The following BMP6 variants were observed in gnomAD, a reference collection of about 807,000 sequenced individuals.
BMP6 encodes the protein bone morphogenetic protein 6.
A neutral mutation model predicts 54.1 loss-of-function variants in BMP6; 17 were observed. The observed-to-expected ratio is 0.31, with a 90% CI of 0.22 to 0.47. BMP6 has a LOEUF of 0.47. Ranked by LOEUF, BMP6 falls within the 20% of genes least tolerant of loss-of-function variation. BMP6 has a pLI of 1.00. For synonymous variants in BMP6, 328 were observed against 291.2 expected, an observed-to-expected ratio of 1.13 and a Z score of -1.28; for missense variants, 720 against 690.4, an observed-to-expected ratio of 1.04 and a Z score of -0.48.
At chr6:7,748,404 C>T (rs148876462) in intron 1 of BMP6, among the ~76,000 whole-genome samples, 2 of 152,156 alleles carry the variant, frequency 1.3e-5, no homozygotes, top group African/African-American at 4.8e-5. Flanking sequence ...TTTCAGACAT[C>T]ATTCTCTTAT....
At chr6:7,840,035 A>T (rs576590162) in intron 1 of BMP6, among the ~76,000 whole-genome samples, 2 of 152,322 alleles carry the variant, frequency 1.3e-5, no homozygotes, top group South Asian at 4.1e-4. Flanking sequence ...GTTACTGGTC[A>T]CCATTGCCTG....
chr6:7,861,633 CA>C, intron 3 of BMP6, 34 bp downstream of exon 3: 1 of 1,611,500 alleles, frequency 6.2e-7, no homozygotes, highest in Admixed American at 1.7e-5. Flanking sequence ...CAACGTCCAG[CA>C]AGTCATCAGT....
At chr6:7,867,833 T>C (rs1033598616) in intron 4 of BMP6, among the ~76,000 whole-genome samples, 2 of 152,244 alleles carry the variant, frequency 1.3e-5, no homozygotes, top group Non-Finnish European at 2.9e-5. Flanking sequence ...TGCACAACTC[T>C]TGTTCGAGGA....
chr6:7,880,475 ACC>A lies in BMP6; in HGVS notation c.*134_*135del, dbSNP rs1759699395. ...AACTATCTCATGCCAGTGCCTTATT[ACC>A]CAGGAAGATTTTAAAGGACCTCATT... On this transcript the variant is annotated 3_prime_UTR_variant, in exon 7 of 7. Transcript: ENST00000283147. 1 of 1,248,414 alleles carries A rather than the reference ACC, an allele frequency of 8.0e-7. No individual in the cohort carries two copies. Among genetic ancestry groups the A allele is most frequent in the South Asian group, 1.4e-5 (1 of 69,878 alleles). The allele number at this position is 1,248,414 out of a possible 1,614,324, so 77.3% of individuals were successfully genotyped here. A position where few individuals can be genotyped will look rare whatever the true frequency, so the allele number is the denominator to read the frequency against.
chr6:7,727,459 G>C lies in BMP6; in HGVS notation c.504G>C (p.Ser168=). ...QQSWPHEAAS[S]SQRRQPPPGA... ...CCTGGCCCCACGAAGCAGCCAGCTC[G>C]TCCCAGCGTCGGCAGCCGCCCCCGG... The change falls in exon 1 of 7, where the codon TCG becomes TCC. Residue 168 remains serine (S), a synonymous_variant. Coordinates refer to ENST00000283147, the MANE Select transcript of BMP6 (RefSeq NM_001718.6). 3 of 1,598,568 alleles carry C rather than the reference G, an allele frequency of 1.9e-6. No homozygotes were observed. Among genetic ancestry groups the C allele is most frequent in the Non-Finnish European group, 2.6e-6 (3 of 1,175,772 alleles).
intron 1 of BMP6, among the ~76,000 whole-genome samples, chr6:7,736,274 T>C (rs1014564290): frequency 6.6e-6 from 1 of 152,220 alleles, no homozygotes; most frequent in East Asian, 1.9e-4. Context: ...CCCTGTTTGA[T>C]CCATGCTAGG....
intron 1 of BMP6, among the ~76,000 whole-genome samples, chr6:7,761,012 A>G (rs565409522): frequency 6.6e-5 from 10 of 152,364 alleles, no homozygotes; most frequent in African/African-American, 2.2e-4. Context: ...CTGAATGGCA[A>G]TAGCACATAT....
chr6:7,736,007 T>C (rs1761950927), intron 1 of BMP6, among the ~76,000 whole-genome samples: 1 of 152,234 alleles, frequency 6.6e-6, no homozygotes, highest in Non-Finnish European at 1.5e-5. Flanking sequence ...GAATATTTTG[T>C]TTCTGGGGTT....
At position 7,811,433 on chromosome 6, in the gene BMP6, C is replaced by T. The variant is rs529494418; in HGVS notation, c.665-33707C>T. Among the ~76,000 whole-genome samples the T allele has an allele frequency of 3.3e-5, 5 of 152,258 alleles. 1 individual carries two copies. The highest frequency in any genetic ancestry group is 9.6e-5 in the African/African-American group (4 of 41,544). On this transcript the variant is annotated intron_variant, in intron 1 of 6. Transcript: ENST00000283147. ...GAAGGTCTGATTTGGAGGGATGTAGCGCTGGCATGGTAGTTGCTATGTCCG... is the reference window on the plus strand; with the variant it reads ...GAAGGTCTGATTTGGAGGGATGTAGTGCTGGCATGGTAGTTGCTATGTCCG...
chr6:7,790,649 C>T (rs1758084932), intron 1 of BMP6, among the ~76,000 whole-genome samples: 1 of 148,888 alleles, frequency 6.7e-6, no homozygotes, highest in Non-Finnish European at 1.5e-5. Context: ...GATAATTTTT[C>T]TAGTATCTAT....
intron 1 of BMP6, among the ~76,000 whole-genome samples, chr6:7,799,611 C>A (rs532242827): frequency 6.6e-6 from 1 of 152,088 alleles, no homozygotes; most frequent in East Asian, 1.9e-4. Context: ...ATACCTACAG[C>A]AACTGGTAAT....
chr6:7,859,495 G>A (rs1408287687), intron 2 of BMP6, among the ~76,000 whole-genome samples: 1 of 151,924 alleles, frequency 6.6e-6, no homozygotes, highest in Non-Finnish European at 1.5e-5. Flanking sequence ...CCGTGACACC[G>A]ATGTGTGCCG....
intron 1 of BMP6, among the ~76,000 whole-genome samples, chr6:7,815,367 T>C (rs953488423): frequency 6.6e-6 from 1 of 152,254 alleles, no homozygotes; most frequent in African/African-American, 2.4e-5. Flanking sequence ...GCTTGAATCC[T>C]GGCTCTGCCA....
At chr6:7,815,528 T>C (rs1758512434) in intron 1 of BMP6, among the ~76,000 whole-genome samples, 1 of 152,232 alleles carries the variant, frequency 6.6e-6, no homozygotes. Context: ...CTGTTACTTT[T>C]GCTAAGTTAC....
At chr6:7,870,989 C>T (rs1759515581) in intron 4 of BMP6, among the ~76,000 whole-genome samples, 1 of 152,222 alleles carries the variant, frequency 6.6e-6, no homozygotes, top group African/African-American at 2.4e-5. Flanking sequence ...CTTCCTGTAT[C>T]ATGGGCCCCA....
chr6:7,787,388 T>C (rs1273906514), intron 1 of BMP6, among the ~76,000 whole-genome samples: 1 of 152,176 alleles, frequency 6.6e-6, no homozygotes, highest in East Asian at 1.9e-4. Flanking sequence ...GTGAAAACAA[T>C]CCTTAAAGGC....
intron 1 of BMP6, among the ~76,000 whole-genome samples, chr6:7,779,715 T>C (rs1354749405): frequency 1.3e-5 from 2 of 152,172 alleles, no homozygotes; most frequent in African/African-American, 4.8e-5. Context: ...CCAAGTGTTC[T>C]CAGGTGCACT....
intron 1 of BMP6, among the ~76,000 whole-genome samples, chr6:7,802,232 G>C (rs900447905): frequency 6.6e-6 from 1 of 152,226 alleles, no homozygotes; most frequent in Admixed American, 6.5e-5. Flanking sequence ...GGATTTAAGA[G>C]AAGAGTATGA....
intron 1 of BMP6, among the ~76,000 whole-genome samples, chr6:7,735,745 C>T (rs986840139): frequency 6.6e-6 from 1 of 152,164 alleles, no homozygotes; most frequent in Non-Finnish European, 1.5e-5. Context: ...TATATGGACA[C>T]ATCATTGTCA....
Sources: gnomAD v4.1 joint callset for allele counts (sites outside exome capture counted in the v4.1 genomes callset) on GRCh38, gnomAD v4.1.1 for gene constraint, MANE v1.5 for transcripts, NCBI Gene and HGNC (gene_info 2026-07-23, HGNC 2026-07-21) for gene names.